The following MAGI1 variants were observed in gnomAD, a reference collection of about 807,000 sequenced individuals.
MAGI1 encodes the protein membrane associated guanylate kinase, WW and PDZ domain containing 1.
In MAGI1, 58 loss-of-function variants were observed where a neutral mutation model predicts 139.9. That is an observed-to-expected ratio of 0.41 (90% CI 0.34 to 0.52). The LOEUF (loss-of-function observed/expected upper bound fraction) is 0.52, where lower values mean the gene tolerates loss of function less well. Among genes scored for constraint, MAGI1 ranks in the 20% least tolerant of loss-of-function variants. The probability of loss-of-function intolerance (pLI) is 0.12; values close to 1 mark genes in which losing one functional copy is unlikely to be tolerated. For synonymous variants in MAGI1, 812 were observed against 737.9 expected (o/e 1.10, Z -1.63); for missense variants, 1,874 against 1,901.6 (o/e 0.99, Z 0.27).
chr3:65,369,398 T>G (rs921723305), intron 18 of MAGI1, among the ~76,000 whole-genome samples: 1 of 152,080 alleles, frequency 6.6e-6, no homozygotes, highest in African/African-American at 2.4e-5. Flanking sequence ...TTAGATAGCA[T>G]GAACTAGACA....
intron 10 of MAGI1, among the ~76,000 whole-genome samples, chr3:65,436,849 C>A (rs1412440404): frequency 6.6e-6 from 1 of 151,874 alleles, no homozygotes; most frequent in Non-Finnish European, 1.5e-5. Context: ...CAAACCCACA[C>A]AACAAAGAAT....
intron 1 of MAGI1, among the ~76,000 whole-genome samples, chr3:65,998,600 G>C (rs2066579361): frequency 6.6e-6 from 1 of 152,180 alleles, no homozygotes; most frequent in South Asian, 2.1e-4. Flanking sequence ...AGACTAATCT[G>C]TTAGGCCTTC....
chr3:65,796,728 A>G (rs1015172880), intron 1 of MAGI1, among the ~76,000 whole-genome samples: 2 of 152,184 alleles, frequency 1.3e-5, no homozygotes, highest in Admixed American at 1.3e-4. Flanking sequence ...TTCAACTATA[A>G]TAAGGTGCCG....
intron 12 of MAGI1, among the ~76,000 whole-genome samples, chr3:65,414,253 C>A (rs1377761848): frequency 6.6e-6 from 1 of 152,194 alleles, no homozygotes; most frequent in Non-Finnish European, 1.5e-5. Context: ...CTCGAGCACA[C>A]TAAAGGTGCT....
In MAGI1 at chr3:65,690,447, C is replaced by A. The variant is rs141657254; in HGVS notation, c.314-68359G>T. Among the ~76,000 whole-genome samples, 206 of 152,084 alleles carry A rather than the reference C, an allele frequency of 1.4e-3. 1 individual carries two copies. The highest frequency in any genetic ancestry group is 4.5e-3 in the African/African-American group (187 of 41,516). On this transcript the variant is annotated intron_variant, in intron 1 of 22. Transcript: ENST00000402939. ...TTAAAAACTGCTGAATTTTTTTAGTCAAAAACAGCACTAAATATACAACTC... is the reference window on the plus strand; with the variant it reads ...TTAAAAACTGCTGAATTTTTTTAGTAAAAAACAGCACTAAATATACAACTC...
At chr3:65,462,996 T>C (rs1949920820) in intron 5 of MAGI1, among the ~76,000 whole-genome samples, 1 of 152,212 alleles carries the variant, frequency 6.6e-6, no homozygotes, top group African/African-American at 2.4e-5. Flanking sequence ...CTGAAATTGT[T>C]TACCAGCTTA....
At chr3:65,998,696 G>A (rs1365336189) in intron 1 of MAGI1, among the ~76,000 whole-genome samples, 4 of 151,858 alleles carry the variant, frequency 2.6e-5, no homozygotes, top group Admixed American at 2.6e-4. Context: ...TTTTTGGGGG[G>A]TTTTTCTTTT....
intron 1 of MAGI1, among the ~76,000 whole-genome samples, chr3:65,736,194 G>C (rs1048711494): frequency 2.0e-5 from 3 of 152,138 alleles, no homozygotes; most frequent in African/African-American, 7.2e-5. Context: ...AGAGCACTTT[G>C]ATTTCTATCA....
intron 2 of MAGI1, among the ~76,000 whole-genome samples, chr3:65,528,015 G>A (rs1051518406): frequency 6.6e-6 from 1 of 151,970 alleles, no homozygotes; most frequent in Non-Finnish European, 1.5e-5. Flanking sequence ...ATAAAACAAA[G>A]GCATTTTTAC....
intron 2 of MAGI1, 104 bp from the exon 3 acceptor site, chr3:65,493,735 C>T (rs1952222792): frequency 3.0e-6 from 4 of 1,330,852 alleles, no homozygotes; most frequent in Non-Finnish European, 4.2e-6. Flanking sequence ...GAGGGCGTAC[C>T]TAAGACTCTG....
intron 12 of MAGI1, among the ~76,000 whole-genome samples, chr3:65,418,620 C>T (rs938481539): frequency 6.6e-6 from 1 of 152,148 alleles, no homozygotes; most frequent in Non-Finnish European, 1.5e-5. Context: ...CTTTCTCCTC[C>T]AATCATTACT....
At chr3:65,434,673 T>C (rs1238869511) in intron 10 of MAGI1, among the ~76,000 whole-genome samples, 2 of 152,188 alleles carry the variant, frequency 1.3e-5, no homozygotes, top group Non-Finnish European at 2.9e-5. Context: ...CCCAGAGTTA[T>C]AACCAATGAG....
chr3:65,529,062 C>T (rs2107833545), intron 2 of MAGI1, among the ~76,000 whole-genome samples: 1 of 151,656 alleles, frequency 6.6e-6, no homozygotes, highest in Non-Finnish European at 1.5e-5. Context: ...AACCAACCAA[C>T]CAACAAAAAA....
intron 2 of MAGI1, among the ~76,000 whole-genome samples, chr3:65,530,810 CATATATATACACGTATATATATATAT>C (rs1559643176): frequency 1.1e-5 from 1 of 92,118 alleles, no homozygotes; most frequent in African/African-American, 4.8e-5. Context: ...TATATACACA[CATATATATACACGTATATATATATAT>C]ATACACACAC....
At chr3:65,821,669 C>T (rs562129582) in intron 1 of MAGI1, among the ~76,000 whole-genome samples, 2 of 152,334 alleles carry the variant, frequency 1.3e-5, no homozygotes, top group Admixed American at 6.5e-5. Flanking sequence ...ACAGAAATCA[C>T]TCCGAACCTA....
intron 2 of MAGI1, among the ~76,000 whole-genome samples, chr3:65,516,597 G>T (rs951156358): frequency 6.6e-6 from 1 of 151,998 alleles, no homozygotes; most frequent in South Asian, 2.1e-4. Flanking sequence ...CTACATGTCA[G>T]GCACTGCAAG....
chr3:65,569,984 C>T (rs1449737254), intron 2 of MAGI1, among the ~76,000 whole-genome samples: 3 of 151,180 alleles, frequency 2.0e-5, no homozygotes, highest in Admixed American at 1.3e-4. Flanking sequence ...GAGGACTTTG[C>T]AACATTAGAA....
intron 1 of MAGI1, among the ~76,000 whole-genome samples, chr3:66,017,256 A>G (rs568794278): frequency 6.6e-6 from 1 of 152,368 alleles, no homozygotes; most frequent in Admixed American, 6.5e-5. Context: ...GGAAGACGCA[A>G]GCACTTGTGT....
chr3:65,921,623 C>CT (rs1288393399), intron 1 of MAGI1, among the ~76,000 whole-genome samples: 1 of 152,028 alleles, frequency 6.6e-6, no homozygotes, highest in Non-Finnish European at 1.5e-5. Flanking sequence ...TTATAATTTT[C>CT]TTAAGATCTT....
Sources: allele counts gnomAD v4.1 joint callset (sites outside exome capture counted in the v4.1 genomes callset), GRCh38; gene constraint gnomAD v4.1.1; transcripts MANE v1.5; gene names NCBI Gene and HGNC (gene_info 2026-07-23, HGNC 2026-07-21).